Variants in EML4 observed in about 807,000 individuals in gnomAD.
The protein encoded by EML4 is EMAP like 4.
Under a neutral mutation model 129.0 loss-of-function variants are expected in EML4, and 72 were observed. That is an observed-to-expected ratio of 0.56 (90% CI 0.46 to 0.68). The LOEUF (loss-of-function observed/expected upper bound fraction) is 0.68. Among genes scored for constraint, EML4 ranks in the 30% least tolerant of loss-of-function variants. The probability of loss-of-function intolerance (pLI) is 0.00; values close to 1 mark genes in which losing one functional copy is unlikely to be tolerated. For missense variants in EML4, 1,363 were observed against 1,190.6 expected, an observed-to-expected ratio of 1.14 and a Z score of -2.13; for synonymous variants, 532 against 405.0, an observed-to-expected ratio of 1.31 and a Z score of -3.77.
intron 18 of EML4, among the ~76,000 whole-genome samples, chr2:42,316,539 A>G (rs533885440): frequency 3.3e-5 from 5 of 152,338 alleles, no homozygotes; most frequent in East Asian, 3.9e-4. Flanking sequence ...GCAATTCTCT[A>G]TAAGAATTTG....
At chr2:42,274,864 G>A (rs1485209689) in intron 6 of EML4, among the ~76,000 whole-genome samples, 1 of 152,090 alleles carries the variant, frequency 6.6e-6, no homozygotes, top group East Asian at 1.9e-4. Context: ...GACACAGAAG[G>A]GAAAGTGCAA....
At chr2:42,264,023 C>T (rs1665900304) in intron 5 of EML4, among the ~76,000 whole-genome samples, 1 of 152,086 alleles carries the variant, frequency 6.6e-6, no homozygotes, top group Non-Finnish European at 1.5e-5. Flanking sequence ...GCCACCGTGC[C>T]AGCCTGGTGT....
chr2:42,293,238 T>C (rs980402680), intron 11 of EML4, among the ~76,000 whole-genome samples: 2 of 151,696 alleles, frequency 1.3e-5, no homozygotes, highest in African/African-American at 4.8e-5. Flanking sequence ...GCCTCCCAAG[T>C]AGCTAAAACT....
At chr2:42,316,119 C>T in intron 18 of EML4, 69 bp downstream of exon 18, 1 of 1,081,688 alleles carries the variant, frequency 9.2e-7, no homozygotes, top group Non-Finnish European at 1.4e-6. Context: ...CATAGTTTTA[C>T]TTCTAATAAG....
intron 22 of EML4, 24 bp from the exon 23 acceptor site, chr2:42,329,710 G>T: frequency 2.5e-6 from 4 of 1,588,676 alleles, no homozygotes; most frequent in Non-Finnish European, 3.4e-6. Context: ...TAATTTTCCT[G>T]TCTGTCTGAT....
At chr2:42,282,560 A>AT (rs1271908853) in intron 7 of EML4, among the ~76,000 whole-genome samples, 5 of 151,704 alleles carry the variant, frequency 3.3e-5, no homozygotes, top group Non-Finnish European at 7.4e-5. Context: ...TGCCTGGCTA[A>AT]TTTTTTTTAT....
intron 1 of EML4, among the ~76,000 whole-genome samples, chr2:42,228,314 C>G (rs1316112464): frequency 1.3e-5 from 2 of 152,072 alleles, no homozygotes; most frequent in Admixed American, 1.3e-4. Flanking sequence ...GGGTGGTCAG[C>G]ACCCCTAACC....
At chr2:42,278,573 CAAAAAAAAAAAA>C (rs35916382) in intron 6 of EML4, among the ~76,000 whole-genome samples, 1,440 of 54,336 alleles carry the variant, frequency 0.027, 30 homozygotes, top group Admixed American at 0.058. Context: ...GACTCCATCT[CAAAAAAAAAAAA>C]AAAAAAAAAA....
intron 19 of EML4, among the ~76,000 whole-genome samples, chr2:42,323,252 CA>C (rs1478414599): frequency 6.6e-6 from 1 of 152,200 alleles, no homozygotes; most frequent in Non-Finnish European, 1.5e-5. Context: ...CCCCAGACGC[CA>C]GAGCCAGGCT....
chr2:42,229,913 AAG>A (rs1491499716), intron 1 of EML4, among the ~76,000 whole-genome samples: 2 of 82,780 alleles, frequency 2.4e-5, no homozygotes, highest in Non-Finnish European at 2.6e-5. Flanking sequence ...CAAGAAAGGA[AAG>A]GGGATATTCA....
intron 6 of EML4, among the ~76,000 whole-genome samples, chr2:42,278,359 A>C (rs1359078187): frequency 6.6e-6 from 1 of 152,096 alleles, no homozygotes. Flanking sequence ...GGATCACTTG[A>C]AGTCGGAAGT....
chr2:42,219,075 A>G (rs2104089856), intron 1 of EML4, among the ~76,000 whole-genome samples: 1 of 152,384 alleles, frequency 6.6e-6, no homozygotes, highest in Non-Finnish European at 1.5e-5. Context: ...CATCATTTAC[A>G]CACCAATGAC....
At position 42,245,555 on chromosome 2, in the gene EML4, G is replaced by T. The variant is rs1431427641; in HGVS notation, c.76G>T (p.Ala26Ser). The change falls in exon 2 of 23, where the codon GCT becomes TCT. Residue 26 changes from alanine to serine, a missense_variant. Transcript: ENST00000318522. ...STSDVQDRLS[A>S]LESRVQQQED... ...TTCTGATGTTCAAGATCGCCTGTCA[G>T]CTCTTGAGTCACGAGTTCAGCAACA... is the stretch of plus-strand genomic sequence containing the variant. 1 of 1,613,736 alleles carries T rather than the reference G, an allele frequency of 6.2e-7. No individual in the cohort carries two copies. Among genetic ancestry groups the T allele is most frequent in the East Asian group, 2.2e-5 (1 of 44,852 alleles).
At chr2:42,203,340 T>G (rs1056786819) in intron 1 of EML4, among the ~76,000 whole-genome samples, 1 of 152,256 alleles carries the variant, frequency 6.6e-6, no homozygotes, top group Non-Finnish European at 1.5e-5. Flanking sequence ...GTAGCCCTTT[T>G]TTGTTTATCA....
At chr2:42,253,401 T>C (rs1675904552) in intron 2 of EML4, among the ~76,000 whole-genome samples, 1 of 152,312 alleles carries the variant, frequency 6.6e-6, no homozygotes, top group Non-Finnish European at 1.5e-5. Flanking sequence ...TTACAATTGA[T>C]AGTGTCTTAC....
chr2:42,193,169 A>G (rs929699544), intron 1 of EML4, among the ~76,000 whole-genome samples: 21 of 152,324 alleles, frequency 1.4e-4, no homozygotes, highest in African/African-American at 4.1e-4. Flanking sequence ...ACCATTGCCT[A>G]CAGTATTCAG....
intron 1 of EML4, among the ~76,000 whole-genome samples, chr2:42,233,928 T>C (rs1674504842): frequency 1.3e-5 from 2 of 152,122 alleles, no homozygotes; most frequent in South Asian, 4.1e-4. Flanking sequence ...CTTTAAGCTC[T>C]AAGCAATAGT....
chr2:42,212,054 C>T (rs537822076), intron 1 of EML4, among the ~76,000 whole-genome samples: 1 of 152,112 alleles, frequency 6.6e-6, no homozygotes, highest in South Asian at 2.1e-4. Flanking sequence ...CCATGTTGAC[C>T]AGGCTGGTCT....
chr2:42,227,945 C>T (rs912936987), intron 1 of EML4, among the ~76,000 whole-genome samples: 1 of 152,174 alleles, frequency 6.6e-6, no homozygotes, highest in African/African-American at 2.4e-5. Flanking sequence ...ATAGGCCGGG[C>T]ACAGTGGCTC....
Sources: allele counts gnomAD v4.1 joint callset (sites outside exome capture counted in the v4.1 genomes callset), GRCh38; gene constraint gnomAD v4.1.1; transcripts MANE v1.5; gene names NCBI Gene and HGNC (gene_info 2026-07-23, HGNC 2026-07-21).